Variants in DCTN4 observed in about 807,000 individuals in gnomAD.
DCTN4 encodes the protein dynactin 4 (p62).
A neutral mutation model predicts 62.7 loss-of-function variants in DCTN4; 23 were observed. The ratio of observed to expected loss-of-function variants is 0.37; its 90% CI spans 0.26 to 0.52. The LOEUF is 0.52. Ranked by LOEUF, DCTN4 falls within the 20% of genes least tolerant of loss-of-function variation. DCTN4 has a pLI of 0.92. For synonymous variants in DCTN4, 199 were observed against 202.1 expected, an observed-to-expected ratio of 0.98 and a Z score of 0.13; for missense variants, 514 against 580.4, an observed-to-expected ratio of 0.89 and a Z score of 1.18.
intron 8 of DCTN4, among the ~76,000 whole-genome samples, chr5:150,726,012 C>A (rs1025868957): frequency 2.6e-5 from 4 of 152,002 alleles, no homozygotes; most frequent in Non-Finnish European, 5.9e-5. Context: ...AACCAATTCT[C>A]CTGCCTCAGC....
chr5:150,718,991 TG>T (rs1334158156), intron 10 of DCTN4, among the ~76,000 whole-genome samples: 1 of 151,756 alleles, frequency 6.6e-6, no homozygotes, highest in Non-Finnish European at 1.5e-5. Context: ...GCAAATTTTT[TG>T]TATTTTTTGT....
intron 9 of DCTN4, among the ~76,000 whole-genome samples, chr5:150,720,693 G>C (rs949874334): frequency 1.3e-5 from 2 of 151,950 alleles, no homozygotes; most frequent in Admixed American, 1.3e-4. Flanking sequence ...GCCCAGGCTG[G>C]GCTTGAACTC....
intron 4 of DCTN4, among the ~76,000 whole-genome samples, chr5:150,737,352 A>G (rs965034649): frequency 1.3e-5 from 2 of 152,198 alleles, no homozygotes; most frequent in African/African-American, 4.8e-5. Flanking sequence ...TCTAAGATAG[A>G]ACATACGAGA....
Position 150,708,590 on chromosome 5 carries a change from G to C in DCTN4, c.*2559C>G, listed in dbSNP as rs547591203. The C allele has an allele frequency of 1.7e-4, 26 of 152,792 alleles. 1 individual carries two copies. Among genetic ancestry groups the C allele is most frequent in the African/African-American group, 6.3e-4 (26 of 41,562 alleles). 9.5% of individuals were successfully genotyped at this position (152,792 alleles called of 1,614,324 possible). ...GCAACATCTACTTATATATTATGGT[G>C]AACTAACCTGCTAAGAGATTTTAGA... is the stretch of plus-strand genomic sequence containing the variant. On this transcript the variant is annotated 3_prime_UTR_variant, in exon 13 of 13. Transcript: ENST00000447998.
chr5:150,736,591 C>T (rs1760590800), intron 4 of DCTN4, among the ~76,000 whole-genome samples: 1 of 152,116 alleles, frequency 6.6e-6, no homozygotes, highest in Non-Finnish European at 1.5e-5. Flanking sequence ...GCCAGCACTA[C>T]AAGAGGTGCT....
intron 4 of DCTN4, among the ~76,000 whole-genome samples, chr5:150,735,396 G>A (rs2113075354): frequency 6.6e-6 from 1 of 152,300 alleles, no homozygotes; most frequent in Middle Eastern, 3.4e-3. Context: ...CTACAACCAA[G>A]GACCCTCACA....
At chr5:150,719,547 T>C (rs1759887158) in intron 10 of DCTN4, among the ~76,000 whole-genome samples, 169 bp downstream of exon 10, 1 of 152,232 alleles carries the variant, frequency 6.6e-6, no homozygotes, top group Admixed American at 6.5e-5. Context: ...GATGCTGTTG[T>C]CAAGAATCTC....
In DCTN4 at chr5:150,722,880, T is replaced by C. The variant is rs1760004004; in HGVS notation, c.908+27A>G. ...AACCAAAATAACTCAAAACAGTAAC[T>C]GAAAACACCAATCCCAAAATACTTA... On this transcript the variant is annotated intron_variant, in intron 9 of 12. Coordinates refer to ENST00000447998, the MANE Select transcript of DCTN4 (RefSeq NM_016221.4). The C allele has an allele frequency of 4.4e-6, 7 of 1,591,144 alleles. No individual in the cohort carries two copies. In the East Asian group the frequency reaches 1.1e-4, roughly 26 times the overall value.
chr5:150,727,507 T>C (rs1760189566), intron 8 of DCTN4, among the ~76,000 whole-genome samples: 1 of 152,110 alleles, frequency 6.6e-6, no homozygotes, highest in African/African-American at 2.4e-5. Context: ...CCGGGCGCGG[T>C]GGCTCACGCC....
chr5:150,724,236 A>G (rs1042358548), intron 8 of DCTN4, among the ~76,000 whole-genome samples: 1 of 152,124 alleles, frequency 6.6e-6, no homozygotes, highest in African/African-American at 2.4e-5. Flanking sequence ...ATAAATTTGA[A>G]TATCTTTCAT....
At chr5:150,733,755 T>C (rs1263564608) in intron 4 of DCTN4, 7 of 274,308 alleles carry the variant, frequency 2.6e-5, no homozygotes, top group Non-Finnish European at 4.8e-5. Flanking sequence ...ACAACTGCTC[T>C]TATTTTTTTT....
chr5:150,717,452 TGGCCA>T (rs1410704734), intron 11 of DCTN4, among the ~76,000 whole-genome samples: 1 of 152,172 alleles, frequency 6.6e-6, no homozygotes, highest in African/African-American at 2.4e-5. Flanking sequence ...TTCACCATGT[TGGCCA>T]GGCTGGTCTT....
intron 4 of DCTN4, among the ~76,000 whole-genome samples, chr5:150,734,967 C>G (rs1404854506): frequency 6.6e-6 from 1 of 152,210 alleles, no homozygotes. Flanking sequence ...AACTGTCCTT[C>G]ACAGCAGCTG....
chr5:150,754,614 T>C (rs1752790822), intron 2 of DCTN4, among the ~76,000 whole-genome samples: 1 of 152,188 alleles, frequency 6.6e-6, no homozygotes, highest in Non-Finnish European at 1.5e-5. Flanking sequence ...TCTAAGACTA[T>C]TCTCCAATAA....
In DCTN4 at chr5:150,718,330, C is replaced by T. The variant is rs375745112; in HGVS notation, c.1017G>A (p.Val339=). 145 of 1,614,026 alleles carry T rather than the reference C, an allele frequency of 9.0e-5. No homozygotes were observed. Among genetic ancestry groups the T allele is most frequent in the Admixed American group, 2.2e-4 (13 of 59,996 alleles). ...CCCCCTCCTCACACTCGAAGAGAGT[C>T]ACATGGGTGAGGTTCTCAACTGGAT... ...LTNPVENLTH[V]TLFECEEGDP... Residue 339 remains valine (V), a synonymous_variant, in exon 11 of 13, where the codon GTG becomes GTA. Coordinates refer to ENST00000447998, the MANE Select transcript of DCTN4 (RefSeq NM_016221.4).
rs1220388824 is a variant in DCTN4 at position 150,718,327 on chromosome 5, A to C, written c.1020T>G (p.Thr340=). 2 of 1,614,092 alleles carry C rather than the reference A, an allele frequency of 1.2e-6. No homozygotes were observed. Among genetic ancestry groups the C allele is most frequent in the Middle Eastern group, 1.6e-4 (1 of 6,062 alleles). Residue 340 remains threonine (T), a synonymous_variant, in exon 11 of 13, where the codon ACT becomes ACG. Coordinates refer to ENST00000447998, the MANE Select transcript of DCTN4 (RefSeq NM_016221.4). ...GGTCCCCCTCCTCACACTCGAAGAG[A>C]GTCACATGGGTGAGGTTCTCAACTG... The part of the protein sequence containing the change: ...TNPVENLTHV[T]LFECEEGDPD...
chr5:150,758,849 A>C lies in DCTN4; in HGVS notation c.135+10T>G. ...CACCCCACATACTCGCTATAGGGCG[A>C]CTCTGTTACCTCGTGAGACACACAT... is the stretch of plus-strand genomic sequence containing the variant. On this transcript the variant is annotated intron_variant, in intron 1 of 12. Coordinates refer to ENST00000447998, the MANE Select transcript of DCTN4 (RefSeq NM_016221.4). 6.2e-7 allele frequency: 1 copy of C among 1,612,034 alleles called. No individual in the cohort carries two copies. Among genetic ancestry groups the C allele is most frequent in the African/African-American group, 1.3e-5 (1 of 74,848 alleles).
In DCTN4 at chr5:150,708,793, G is replaced by C. The variant is rs933136850; in HGVS notation, c.*2356C>G. ...TCACTACATTAAGTTAAGCAATAAG[G>C]CAAAACAGTAACCTGTCATTCATAA... On this transcript the variant is annotated 3_prime_UTR_variant, in exon 13 of 13. Transcript: ENST00000447998. 6 of 152,790 alleles carry C rather than the reference G, an allele frequency of 3.9e-5. No homozygotes were observed. The highest frequency in any genetic ancestry group is 1.4e-4 in the African/African-American group (6 of 41,456). The allele number at this position is 152,790 out of a possible 1,614,324, so 9.5% of individuals were successfully genotyped here. A position where few individuals can be genotyped will look rare whatever the true frequency, so the allele number is the denominator to read the frequency against.
chr5:150,740,215 A>C (rs1333263810), intron 4 of DCTN4, among the ~76,000 whole-genome samples: 4 of 152,200 alleles, frequency 2.6e-5, no homozygotes, highest in Non-Finnish European at 4.4e-5. Flanking sequence ...CACTCAAACA[A>C]ATCAGCAAGA....
Sources: gnomAD v4.1 joint callset for allele counts (sites outside exome capture counted in the v4.1 genomes callset) on GRCh38, gnomAD v4.1.1 for gene constraint, MANE v1.5 for transcripts, NCBI Gene and HGNC (gene_info 2026-07-23, HGNC 2026-07-21) for gene names.